Variants in NKAIN3 observed in about 807,000 individuals in gnomAD.
NKAIN3 encodes the protein sodium/potassium transporting ATPase interacting 3.
In NKAIN3, 25 loss-of-function variants were observed where a neutral mutation model predicts 30.2. The observed-to-expected ratio is 0.83, with a 90% CI of 0.60 to 1.16. NKAIN3 has a LOEUF of 1.16. NKAIN3 is among the 50% of genes most tolerant of loss of function. The pLI is 0.00. For synonymous variants in NKAIN3, 91 were observed against 89.6 expected (o/e 1.02, Z -0.09); for missense variants, 225 against 254.1 (o/e 0.89, Z 0.78).
chr8:62,277,527 A>G (rs1813002947), intron 1 of NKAIN3, among the ~76,000 whole-genome samples: 1 of 152,142 alleles, frequency 6.6e-6, no homozygotes, highest in Admixed American at 6.5e-5. Context: ...GTGAGTCATT[A>G]TCCTTTATAC....
Position 62,286,672 on chromosome 8 carries a change from A to G in NKAIN3, c.54+37545A>G, listed in dbSNP as rs553385041. On this transcript the variant is annotated intron_variant, in intron 1 of 6. Transcript: ENST00000623646. ...ATGGCAAGTCACTGCTACTGATTAA[A>G]TAAAGAATCTGTACTTTCAAGTACT... is the stretch of plus-strand genomic sequence containing the variant. 1.8e-4 allele frequency among the ~76,000 whole-genome samples: 28 copies of G among 152,260 alleles called. 1 individual carries two copies. Among genetic ancestry groups the G allele is most frequent in the Non-Finnish European group, 1.5e-5 (1 of 68,004 alleles).
At chr8:62,468,887 T>C (rs1005173236) in intron 1 of NKAIN3, among the ~76,000 whole-genome samples, 1 of 152,192 alleles carries the variant, frequency 6.6e-6, no homozygotes, top group African/African-American at 2.4e-5. Flanking sequence ...TTGGATCAAC[T>C]AATTCTGAGT....
intron 4 of NKAIN3, among the ~76,000 whole-genome samples, chr8:62,829,477 G>T (rs1403426166): frequency 6.6e-6 from 1 of 152,126 alleles, no homozygotes. Flanking sequence ...AGCAAACCAG[G>T]TAGAGAGGTC....
At chr8:62,985,382 T>A (rs780431438), downstream of NKAIN3, among the ~76,000 whole-genome samples, 2 of 152,110 alleles carry the variant, frequency 1.3e-5, no homozygotes, top group Non-Finnish European at 2.9e-5. Context: ...TACCAATGAG[T>A]CCAGAGACAT....
At chr8:62,759,511 T>C (rs903293518) in intron 4 of NKAIN3, among the ~76,000 whole-genome samples, 2 of 152,056 alleles carry the variant, frequency 1.3e-5, no homozygotes, top group African/African-American at 4.8e-5. Context: ...TGAGCTAGAA[T>C]AGCATGAAGA....
intron 1 of NKAIN3, among the ~76,000 whole-genome samples, chr8:62,316,657 T>C (rs1814644072): frequency 6.6e-6 from 1 of 152,180 alleles, no homozygotes; most frequent in South Asian, 2.1e-4. Context: ...ATGTGCCACA[T>C]TTTTTTAATC....
At chr8:62,271,709 T>A (rs1008396302) in intron 1 of NKAIN3, among the ~76,000 whole-genome samples, 2 of 152,168 alleles carry the variant, frequency 1.3e-5, no homozygotes, top group Non-Finnish European at 2.9e-5. Context: ...TTTAAAAAAA[T>A]TATGTTTTAG....
In NKAIN3 at chr8:62,667,189, C is replaced by A. The variant is rs182498438; in HGVS notation, c.273+77395C>A. On this transcript the variant is annotated intron_variant, in intron 3 of 6. Transcript: ENST00000623646. ...GAGAGGGATAGCATTAGGAGATATA[C>A]CAAATGTAAATGACGAGTTGATGGG... 1.7e-3 allele frequency among the ~76,000 whole-genome samples: 249 copies of A among 150,274 alleles called. 8 individuals are homozygous for A. In the East Asian group the frequency reaches 0.037, roughly 22 times the overall value.
chr8:62,401,641 A>G (rs965274600), intron 1 of NKAIN3, among the ~76,000 whole-genome samples: 3 of 152,174 alleles, frequency 2.0e-5, no homozygotes, highest in Non-Finnish European at 4.4e-5. Flanking sequence ...TATCTGCATT[A>G]GGAGGAACCC....
intron 1 of NKAIN3, among the ~76,000 whole-genome samples, chr8:62,537,541 G>T (rs1808701416): frequency 6.6e-6 from 1 of 151,800 alleles, no homozygotes. Context: ...TTCTTCCCCA[G>T]TCTTACTTCT....
At chr8:62,468,622 G>T (rs1427635953) in intron 1 of NKAIN3, among the ~76,000 whole-genome samples, 1 of 152,190 alleles carries the variant, frequency 6.6e-6, no homozygotes, top group Non-Finnish European at 1.5e-5. Context: ...TCACTGTTCA[G>T]TGAAAGCCAT....
At chr8:62,786,539 C>G (rs1165069994) in intron 4 of NKAIN3, among the ~76,000 whole-genome samples, 1 of 151,866 alleles carries the variant, frequency 6.6e-6, no homozygotes, top group Non-Finnish European at 1.5e-5. Context: ...AAAAAAAACA[C>G]CTACAGAGGG....
intron 4 of NKAIN3, among the ~76,000 whole-genome samples, chr8:62,897,011 T>A (rs1821447659): frequency 6.9e-6 from 1 of 144,498 alleles, no homozygotes; most frequent in South Asian, 2.3e-4. Context: ...AAATTATATT[T>A]TTGTAAGATA....
intron 4 of NKAIN3, among the ~76,000 whole-genome samples, chr8:62,853,564 A>T (rs558466963): frequency 6.6e-6 from 1 of 152,148 alleles, no homozygotes; most frequent in Admixed American, 6.5e-5. Context: ...TCCCCTTATC[A>T]TTTCTAATTG....
chr8:62,719,949 A>T (rs1041465699), intron 3 of NKAIN3, among the ~76,000 whole-genome samples: 1 of 151,650 alleles, frequency 6.6e-6, no homozygotes, highest in Admixed American at 6.6e-5. Context: ...AGTAGAGACG[A>T]GGTTTCACCG....
chr8:62,443,126 T>A (rs1805377517), intron 1 of NKAIN3, among the ~76,000 whole-genome samples: 1 of 151,956 alleles, frequency 6.6e-6, no homozygotes, highest in South Asian at 2.1e-4. Flanking sequence ...GAATTTTTCT[T>A]ATTCTTTTTT....
At chr8:62,998,200 G>A (rs539310274) in intron 5 of NKAIN3, among the ~76,000 whole-genome samples, 4 of 152,162 alleles carry the variant, frequency 2.6e-5, no homozygotes, top group African/African-American at 9.6e-5. Flanking sequence ...TTAGTCAGAG[G>A]GTTAAGTTGT....
At chr8:62,951,578 C>A (rs934397618) in intron 5 of NKAIN3, among the ~76,000 whole-genome samples, 26 of 151,920 alleles carry the variant, frequency 1.7e-4, no homozygotes, top group Non-Finnish European at 2.8e-4. Context: ...TCCACTTCAG[C>A]TTCCCAAGTA....
chr8:62,415,182 TTACAA>T (rs1427501817), intron 1 of NKAIN3, among the ~76,000 whole-genome samples: 2 of 142,300 alleles, frequency 1.4e-5, no homozygotes, highest in African/African-American at 2.6e-5. Context: ...ATATATTATA[TTACAA>T]TATACTATAG....
Sources: gnomAD v4.1 joint callset for allele counts (sites outside exome capture counted in the v4.1 genomes callset) on GRCh38, gnomAD v4.1.1 for gene constraint, MANE v1.5 for transcripts, NCBI Gene and HGNC (gene_info 2026-07-23, HGNC 2026-07-21) for gene names.